The following MAP2K5 variants were observed in gnomAD, a reference collection of about 807,000 sequenced individuals.
MAP2K5 encodes the protein mitogen-activated protein kinase kinase 5.
Under a neutral mutation model 83.1 loss-of-function variants are expected in MAP2K5, and 49 were observed. The ratio of observed to expected loss-of-function variants is 0.59; its 90% CI spans 0.47 to 0.75. The LOEUF is 0.75. MAP2K5 is among the 30% of genes least tolerant of loss of function. MAP2K5 has a pLI of 0.00. For missense variants in MAP2K5, 457 were observed against 557.5 expected, an observed-to-expected ratio of 0.82 and a Z score of 1.82; for synonymous variants, 202 against 191.8, an observed-to-expected ratio of 1.05 and a Z score of -0.44.
chr15:67,691,394 G>C (rs1234197852), intron 13 of MAP2K5, among the ~76,000 whole-genome samples: 1 of 152,196 alleles, frequency 6.6e-6, no homozygotes, highest in Non-Finnish European at 1.5e-5. Context: ...TAGTTACTGT[G>C]TGTGAACTTG....
chr15:67,694,756 C>T (rs9302244), intron 15 of MAP2K5, among the ~76,000 whole-genome samples: 149,390 of 152,070 alleles, frequency 0.98, 73,448 homozygotes, highest in Middle Eastern at 1. Context: ...ATCCCATTAC[C>T]AGGTATATAC....
In MAP2K5 at chr15:67,719,341, G is replaced by T. The variant is rs1018480817; in HGVS notation, c.1045-8575G>T. On this transcript the variant is annotated intron_variant, in intron 16 of 21. Coordinates refer to ENST00000178640, the MANE Select transcript of MAP2K5 (RefSeq NM_145160.3). The surrounding 1 kb of genome is among the most constrained non-coding windows in gnomAD (Gnocchi z 4.6). ...TGTGGCATAGAAACAAGCAAACCAG[G>T]CACCTCCAGGTTGACCAGTCTCCAG... Among the ~76,000 whole-genome samples the T allele has an allele frequency of 6.6e-6, 1 of 152,064 alleles. No homozygotes were observed. The highest frequency in any genetic ancestry group is 1.5e-5 in the Non-Finnish European group (1 of 68,026).
In MAP2K5 at chr15:67,746,138, A is replaced by G. The variant is rs2089600704; in HGVS notation, c.1075-2093A>G. 6.6e-6 allele frequency among the ~76,000 whole-genome samples: 1 copy of G among 152,234 alleles called. No homozygotes were observed. The highest frequency in any genetic ancestry group is 1.5e-5 in the Non-Finnish European group (1 of 68,042). On this transcript the variant is annotated intron_variant, in intron 17 of 21. Transcript: ENST00000178640. This position sits in a 1 kb window ranked among gnomAD's most constrained non-coding sequence, Gnocchi z 4.1. Reference sequence around the variant, plus strand: ...GCTTTTAACCTGCAAAATAGGGCAAACTAGAGACTTTAAGACCTCAGTTCA... The same window carrying G: ...GCTTTTAACCTGCAAAATAGGGCAAGCTAGAGACTTTAAGACCTCAGTTCA...
intron 17 of MAP2K5, among the ~76,000 whole-genome samples, chr15:67,732,769 A>G (rs2089250194): frequency 6.6e-6 from 1 of 151,920 alleles, no homozygotes; most frequent in Non-Finnish European, 1.5e-5. Flanking sequence ...TGGAGGCTGT[A>G]CTAGATTTTG....
chr15:67,789,448 C>T (rs1031567414), intron 21 of MAP2K5, among the ~76,000 whole-genome samples: 4 of 152,112 alleles, frequency 2.6e-5, no homozygotes, highest in East Asian at 1.9e-4. Flanking sequence ...CCAGGCGTGG[C>T]GGCTTAACGC....
At position 67,722,872 on chromosome 15, in the gene MAP2K5, T is replaced by C. The variant is rs2088996264; in HGVS notation, c.1045-5044T>C. ...GTAATTAAGAACAAATTTTAGAACA[T>C]TTCAGACTATAAAGTTGTCATTCAG... On this transcript the variant is annotated intron_variant, in intron 16 of 21. Coordinates refer to ENST00000178640, the MANE Select transcript of MAP2K5 (RefSeq NM_145160.3). This position sits in a 1 kb window ranked among gnomAD's most constrained non-coding sequence, Gnocchi z 4.2. 6.6e-6 allele frequency among the ~76,000 whole-genome samples: 1 copy of C among 152,226 alleles called. No individual in the cohort carries two copies. Among genetic ancestry groups the C allele is most frequent in the African/African-American group, 2.4e-5 (1 of 41,458 alleles).
intron 3 of MAP2K5, among the ~76,000 whole-genome samples, chr15:67,569,020 C>A (rs55709438): frequency 0.19 from 20,887 of 110,576 alleles, 1,951 homozygotes; most frequent in African/African-American, 0.32. Flanking sequence ...AAAAAAAAAA[C>A]AAAAAAAAAA....
intron 16 of MAP2K5, among the ~76,000 whole-genome samples, chr15:67,713,313 A>C (rs950319961): frequency 1.3e-5 from 2 of 152,236 alleles, no homozygotes; most frequent in Admixed American, 6.5e-5. Flanking sequence ...TAATTTTTAC[A>C]TACACATATT....
intron 15 of MAP2K5, among the ~76,000 whole-genome samples, chr15:67,696,462 A>G (rs563591069): frequency 2.7e-4 from 41 of 152,276 alleles, no homozygotes; most frequent in African/African-American, 9.6e-4. Flanking sequence ...CCTTTACCGA[A>G]AAAGTTTGCC....
At chr15:67,765,677 A>G (rs2090029038) in intron 19 of MAP2K5, among the ~76,000 whole-genome samples, 1 of 152,180 alleles carries the variant, frequency 6.6e-6, no homozygotes, top group Non-Finnish European at 1.5e-5. Context: ...CTTACTCTGT[A>G]AGTGAACTAG....
At chr15:67,615,250 G>A (rs949728452) in intron 8 of MAP2K5, among the ~76,000 whole-genome samples, 2 of 152,080 alleles carry the variant, frequency 1.3e-5, no homozygotes, top group African/African-American at 2.4e-5. Flanking sequence ...TGCCCGCATC[G>A]GCCTCCCAAA....
At chr15:67,767,797 C>G (rs1257042583) in intron 19 of MAP2K5, among the ~76,000 whole-genome samples, 1 of 152,134 alleles carries the variant, frequency 6.6e-6, no homozygotes, top group Non-Finnish European at 1.5e-5. Context: ...TGATCAGCCA[C>G]CCATCCACCT....
chr15:67,580,959 T>C, intron 4 of MAP2K5, 136 bp downstream of exon 4: 1 of 633,488 alleles, frequency 1.6e-6, no homozygotes, highest in South Asian at 1.7e-5. Flanking sequence ...GTATTCATTA[T>C]CGTGGGGATT....
Position 67,724,427 on chromosome 15 carries a change from A to C in MAP2K5, c.1045-3489A>C, listed in dbSNP as rs1486098599. ...TATTTATTTTTTGAGTTAGGGTCTC[A>C]CTCTTGCTCAGTCTGGAATGCAATG... is the stretch of plus-strand genomic sequence containing the variant. On this transcript the variant is annotated intron_variant, in intron 16 of 21. Coordinates refer to ENST00000178640, the MANE Select transcript of MAP2K5 (RefSeq NM_145160.3). This position sits in a 1 kb window ranked among gnomAD's most constrained non-coding sequence, Gnocchi z 4.4. Among the ~76,000 whole-genome samples the C allele has an allele frequency of 6.6e-6, 1 of 151,500 alleles. No individual in the cohort carries two copies. Among genetic ancestry groups the C allele is most frequent in the Non-Finnish European group, 1.5e-5 (1 of 67,942 alleles).
At chr15:67,664,762 C>T in intron 13 of MAP2K5, 117 bp downstream of exon 13, 1 of 600,298 alleles carries the variant, frequency 1.7e-6, no homozygotes, top group Non-Finnish European at 3.0e-6. Flanking sequence ...ATCTGGTACT[C>T]AAAAAGATGG....
chr15:67,696,090 T>C (rs566662117), intron 15 of MAP2K5, among the ~76,000 whole-genome samples: 103 of 151,890 alleles, frequency 6.8e-4, no homozygotes, highest in Non-Finnish European at 3.8e-4. Flanking sequence ...TCCCTGACTT[T>C]TATCTGCTGA....
At chr15:67,693,388 A>T in intron 14 of MAP2K5, 130 bp from the exon 15 acceptor site, 1 of 709,594 alleles carries the variant, frequency 1.4e-6, no homozygotes, top group Non-Finnish European at 2.5e-6. Flanking sequence ...TTTGTAGATA[A>T]ATTTGTTCCC....
At chr15:67,549,584 A>G (rs939292259) in intron 1 of MAP2K5, among the ~76,000 whole-genome samples, 2 of 152,226 alleles carry the variant, frequency 1.3e-5, no homozygotes, top group Non-Finnish European at 2.9e-5. Context: ...AGCTACATCT[A>G]TAAGTATTAC....
At chr15:67,641,632 A>G in intron 9 of MAP2K5, 5 of 989,994 alleles carry the variant, frequency 5.1e-6, no homozygotes, top group Non-Finnish European at 6.0e-6. Flanking sequence ...CTGGAGGTGT[A>G]GTGGAGAGCA....
Sources: gnomAD v4.1 joint callset for allele counts (sites outside exome capture counted in the v4.1 genomes callset) on GRCh38, gnomAD v4.1.1 for gene constraint, Gnocchi (gnomAD v3.1) non-coding constraint, MANE v1.5 for transcripts, NCBI Gene and HGNC (gene_info 2026-07-23, HGNC 2026-07-21) for gene names.